The following ADAMTS14 variants were observed in gnomAD, a reference collection of about 807,000 sequenced individuals.
The protein encoded by ADAMTS14 is A disintegrin and metalloproteinase with thrombospondin motifs 14.
Under a neutral mutation model 128.6 loss-of-function variants are expected in ADAMTS14, and 100 were observed. That is an observed-to-expected ratio of 0.78 (90% CI 0.66 to 0.92). The LOEUF is 0.92. Among genes scored for constraint, ADAMTS14 ranks in the 40% least tolerant of loss-of-function variants. The probability of loss-of-function intolerance (pLI) is 0.00; values close to 1 mark genes in which losing one functional copy is unlikely to be tolerated. For synonymous variants in ADAMTS14, 665 were observed against 653.8 expected, an observed-to-expected ratio of 1.02 and a Z score of -0.26; for missense variants, 1,562 against 1,658.6, an observed-to-expected ratio of 0.94 and a Z score of 1.01.
chr10:70,696,621 G>A (rs1445316663), intron 2 of ADAMTS14, among the ~76,000 whole-genome samples: 1 of 152,132 alleles, frequency 6.6e-6, no homozygotes, highest in Non-Finnish European at 1.5e-5. Flanking sequence ...GAGAATTATT[G>A]TGCAACTAGA....
At chr10:70,735,069 T>C in intron 8 of ADAMTS14, 100 bp from the exon 9 acceptor site, 1 of 1,470,724 alleles carries the variant, frequency 6.8e-7, no homozygotes, top group South Asian at 1.4e-5. Flanking sequence ...CGGGTGCAAA[T>C]TCTTGCAGGC....
chr10:70,678,951 C>G (rs553217655), intron 2 of ADAMTS14, among the ~76,000 whole-genome samples: 2 of 152,118 alleles, frequency 1.3e-5, no homozygotes, highest in African/African-American at 4.8e-5. Context: ...CTTTGTCTTA[C>G]TTCCCACCCA....
In ADAMTS14 at chr10:70,749,885, G is replaced by C; in HGVS notation, c.2327G>C (p.Arg776Pro). 1 of 1,614,110 alleles carries C rather than the reference G, an allele frequency of 6.2e-7. No homozygotes were observed. Among genetic ancestry groups the C allele is most frequent in the Non-Finnish European group, 8.5e-7 (1 of 1,180,024 alleles). ...LNPKGKEATS[R>P]TFTAMGLEWE... is the part of the protein sequence containing the mutation. ...CCCAAGGGCAAGGAAGCCACAAGCC[G>C]GACCTTCACCGCCATGGGCCTGGAG... The change falls in exon 16 of 22, where the codon CGG becomes CCG. Residue 776 changes from arginine (R) to proline (P), a missense_variant. By Grantham distance (103) the Arg-to-Pro change is moderately radical. Transcript: ENST00000373207.
chr10:70,741,267 A>AG, intron 12 of ADAMTS14, 105 bp downstream of exon 12: 1 of 1,378,220 alleles, frequency 7.3e-7, no homozygotes, highest in Non-Finnish European at 9.8e-7. Flanking sequence ...GTGAAGGTGG[A>AG]GGGACAGTGG....
At chr10:70,688,003 C>T (rs1318765887) in intron 2 of ADAMTS14, among the ~76,000 whole-genome samples, 117 of 62,174 alleles carry the variant, frequency 1.9e-3, no homozygotes, top group Non-Finnish European at 2.6e-3. Flanking sequence ...GGGTGGCTGC[C>T]GGGCGGAGAC....
chr10:70,739,858 A>C (rs1841941673), intron 11 of ADAMTS14, among the ~76,000 whole-genome samples: 1 of 152,218 alleles, frequency 6.6e-6, no homozygotes. Flanking sequence ...GTTTTAGAGA[A>C]TATAGCCGTA....
At chr10:70,745,641 T>C (rs1262906510) in intron 15 of ADAMTS14, among the ~76,000 whole-genome samples, 2 of 152,184 alleles carry the variant, frequency 1.3e-5, no homozygotes, top group African/African-American at 4.8e-5. Flanking sequence ...GTTCACAGAG[T>C]GTATCAGTCA....
intron 4 of ADAMTS14, among the ~76,000 whole-genome samples, chr10:70,710,931 G>A (rs532408251): frequency 3.9e-5 from 6 of 152,324 alleles, no homozygotes; most frequent in East Asian, 3.9e-4. Context: ...TTGGTAGGGC[G>A]CTGCCTGGGT....
At chr10:70,706,555 G>A (rs1327089582) in intron 3 of ADAMTS14, among the ~76,000 whole-genome samples, 4 of 152,170 alleles carry the variant, frequency 2.6e-5, no homozygotes, top group Non-Finnish European at 4.4e-5. Flanking sequence ...CTTGCCATTG[G>A]CTCAGACACC....
rs756413236 is a variant in ADAMTS14 at position 70,752,196 on chromosome 10, C to T, written c.2698C>T (p.Arg900Cys). The T allele has an allele frequency of 2.5e-5, 41 of 1,613,700 alleles. No individual in the cohort carries two copies. Among genetic ancestry groups the T allele is most frequent in the Admixed American group, 8.3e-5 (5 of 60,000 alleles). Reference protein sequence around the residue: ...HKKRPKPIRRRCNQHPCSQPV... With the variant: ...HKKRPKPIRRCCNQHPCSQPV... ...GAAGAGGCCCAAGCCCATCCGCCGG[C>T]GCTGCAACCAGCACCCGTGCTCTCA... is the stretch of plus-strand genomic sequence containing the variant. Residue 900 changes from arginine to cysteine, a missense_variant, in exon 18 of 22, where the codon CGC becomes TGC. Arg to Cys is a radical substitution (Grantham distance 180, BLOSUM62 -3). Coordinates refer to ENST00000373207, the MANE Select transcript of ADAMTS14 (RefSeq NM_080722.4).
At chr10:70,685,898 C>A (rs953751986) in intron 2 of ADAMTS14, among the ~76,000 whole-genome samples, 1 of 152,104 alleles carries the variant, frequency 6.6e-6, no homozygotes, top group Admixed American at 6.5e-5. Context: ...TGCTTAACTT[C>A]TGCGTGTCAT....
rs139107058 is a variant in ADAMTS14, at chr10:70,755,326, A to G, written c.2937+1319A>G. On this transcript the variant is annotated intron_variant, in intron 19 of 21. Transcript: ENST00000373207. ...GAGCTTGTCTCACAAAAAAAAAAAA[A>G]AAAAGAAAAGAAATAAGCCAGACAT... Among the ~76,000 whole-genome samples, 524 of 151,908 alleles carry G rather than the reference A, an allele frequency of 3.4e-3. 4 individuals are homozygous for G. Among genetic ancestry groups the G allele is most frequent in the African/African-American group, 0.012 (495 of 41,434 alleles).
At chr10:70,703,596 G>C (rs769306479) in intron 3 of ADAMTS14, among the ~76,000 whole-genome samples, 2 of 152,224 alleles carry the variant, frequency 1.3e-5, no homozygotes, top group Non-Finnish European at 2.9e-5. Flanking sequence ...CTCCACCAGG[G>C]TTGAGAAGAG....
chr10:70,711,769 A>T (rs1840868294), intron 4 of ADAMTS14, among the ~76,000 whole-genome samples: 1 of 151,906 alleles, frequency 6.6e-6, no homozygotes, highest in African/African-American at 2.4e-5. Flanking sequence ...CTGAGAGGTG[A>T]TTGGTAAACG....
intron 4 of ADAMTS14, among the ~76,000 whole-genome samples, chr10:70,711,871 A>G (rs1321548545): frequency 6.6e-6 from 1 of 152,158 alleles, no homozygotes; most frequent in Non-Finnish European, 1.5e-5. Flanking sequence ...CTGCAGTGTC[A>G]ATATCAATAA....
At chr10:70,674,450 G>A (rs886948013) in intron 1 of ADAMTS14, 106 bp from the exon 2 acceptor site, 1 of 1,167,266 alleles carries the variant, frequency 8.6e-7, no homozygotes, top group African/African-American at 1.5e-5. Flanking sequence ...GCCCACCTAA[G>A]GGTGACACTG....
intron 2 of ADAMTS14, among the ~76,000 whole-genome samples, chr10:70,686,854 C>A (rs1185284198): frequency 1.3e-5 from 1 of 75,000 alleles, no homozygotes; most frequent in Non-Finnish European, 2.8e-5. Context: ...ACCTCCCGGA[C>A]GGGGCGGCTG....
At chr10:70,698,799 CT>C (rs1840408716) in intron 2 of ADAMTS14, among the ~76,000 whole-genome samples, 1 of 152,184 alleles carries the variant, frequency 6.6e-6, no homozygotes, top group African/African-American at 2.4e-5. Flanking sequence ...AAAGACAGAT[CT>C]TTTAACCCTT....
In ADAMTS14 at chr10:70,753,879, C is replaced by A. The variant is rs12774070; in HGVS notation, c.2809C>A (p.Leu937Met). 0.25 allele frequency: 400,473 copies of A among 1,591,176 alleles called. 52,905 individuals are homozygous for A. Among genetic ancestry groups the A allele is most frequent in the Non-Finnish European group, 0.28 (321,852 of 1,169,818 alleles). The change falls in exon 19 of 22, where the codon CTG becomes ATG. Residue 937 changes from leucine (L) to methionine (M), a missense_variant. Physicochemically the swap from Leu to Met is conservative, Grantham distance 15. Transcript: ENST00000373207. ...GVQTRGIQCL[L>M]PLSNGTHKVM... ...GCAGACACGGGGGATACAGTGCCTG[C>A]TGCCCCTCTCCAATGGAACCCACAA...
Sources: allele counts gnomAD v4.1 joint callset (sites outside exome capture counted in the v4.1 genomes callset), GRCh38; gene constraint gnomAD v4.1.1; transcripts MANE v1.5; gene names NCBI Gene and HGNC (gene_info 2026-07-23, HGNC 2026-07-21).